The following FBN2 variants were observed in gnomAD, a reference collection of about 807,000 sequenced individuals.
FBN2 encodes the protein fibrillin-2.
In FBN2, 105 loss-of-function variants were observed where a neutral mutation model predicts 355.6. The ratio of observed to expected loss-of-function variants is 0.30; its 90% CI spans 0.25 to 0.35. The LOEUF (loss-of-function observed/expected upper bound fraction) is 0.35. FBN2 is among the 10% of genes least tolerant of loss of function. The probability of loss-of-function intolerance (pLI) is 1.00; values close to 1 mark genes in which losing one functional copy is unlikely to be tolerated. For synonymous variants in FBN2, 1,350 were observed against 1,301.2 expected, an observed-to-expected ratio of 1.04 and a Z score of -0.81; for missense variants, 3,280 against 3,758.7, an observed-to-expected ratio of 0.87 and a Z score of 3.33.
chr5:128,528,025 G>A (rs1252895185), intron 3 of FBN2, 58 bp from the exon 4 acceptor site: 3 of 1,109,178 alleles, frequency 2.7e-6, no homozygotes, highest in Admixed American at 1.8e-5. Flanking sequence ...TATAGTATAT[G>A]TGAGAGGTTA....
intron 15 of FBN2, among the ~76,000 whole-genome samples, chr5:128,371,922 C>T (rs1052977817): frequency 2.0e-5 from 3 of 152,130 alleles, no homozygotes; most frequent in Non-Finnish European, 4.4e-5. Flanking sequence ...TGTATGTATG[C>T]AAAATGCTAA....
intron 7 of FBN2, among the ~76,000 whole-genome samples, chr5:128,410,576 T>C (rs1446954902): frequency 6.6e-5 from 10 of 152,236 alleles, no homozygotes; most frequent in Admixed American, 5.9e-4. Context: ...CATTTAAACA[T>C]TGGCTTTTAT....
At chr5:128,310,363 CACATATAT>C (rs1171422912) in intron 39 of FBN2, among the ~76,000 whole-genome samples, 67 of 58,928 alleles carry the variant, frequency 1.1e-3, no homozygotes, top group Middle Eastern at 6.7e-3. Flanking sequence ...ATTTCCTTGG[CACATATAT>C]ATATATATAT....
intron 5 of FBN2, among the ~76,000 whole-genome samples, chr5:128,485,756 T>C (rs1755320617): frequency 6.6e-6 from 1 of 152,132 alleles, no homozygotes; most frequent in Admixed American, 6.6e-5. Flanking sequence ...AAAGCTTTAC[T>C]CTTTTTAAAA....
chr5:128,464,938 G>A lies in FBN2; in HGVS notation c.629-17C>T. ...TCCTGTAATCTGGAATGTGGGAGAA[G>A]AAAGAAAGACAGGTTTTATGATCAT... On this transcript the variant is annotated splice_polypyrimidine_tract_variant and intron_variant, in intron 5 of 64. Transcript: ENST00000262464. 6.2e-7 allele frequency: 1 copy of A among 1,612,730 alleles called. No homozygotes were observed. The highest frequency in any genetic ancestry group is 1.3e-5 in the African/African-American group (1 of 75,008).
intron 7 of FBN2, among the ~76,000 whole-genome samples, chr5:128,424,240 C>T (rs1290038516): frequency 1.3e-5 from 2 of 152,036 alleles, no homozygotes; most frequent in African/African-American, 4.8e-5. Flanking sequence ...AGGGATGTTT[C>T]AGTAAGATAA....
chr5:128,328,742 C>G lies in FBN2; in HGVS notation c.4425G>C (p.Glu1475Asp), dbSNP rs1340926633. The G allele has an allele frequency of 6.2e-7, 1 of 1,614,172 alleles. No individual in the cohort carries two copies. Among genetic ancestry groups the G allele is most frequent in the Admixed American group, 1.7e-5 (1 of 60,016 alleles). Residue 1475 changes from glutamate (E) to aspartate (D), a missense_variant, in exon 34 of 65, where the codon GAG becomes GAC. Glu to Asp is a conservative substitution (Grantham distance 45). This residue lies in a region of FBN2 where 2,284 missense variants were observed against 2,749.5 expected (regional missense o/e 0.83). Coordinates refer to ENST00000262464, the MANE Select transcript of FBN2 (RefSeq NM_001999.4). ...CLNVPGAYRCECEMGFTPASD... is the reference protein window; with the variant it reads ...CLNVPGAYRCDCEMGFTPASD... ...AGGCTGGAGTGAAGCCCATCTCACA[C>G]TCGCAGCGATATGCACCCGGGACAT...
At chr5:128,456,016 A>AAAAAAAAAAAG in intron 6 of FBN2, among the ~76,000 whole-genome samples, 1 of 148,098 alleles carries the variant, frequency 6.8e-6, no homozygotes, top group African/African-American at 2.5e-5. Flanking sequence ...AAAAAAAAAA[A>AAAAAAAAAAAG]AAAAAAAGCA....
chr5:128,413,417 G>A (rs1301499433), intron 7 of FBN2, among the ~76,000 whole-genome samples: 4 of 152,216 alleles, frequency 2.6e-5, no homozygotes, highest in South Asian at 2.1e-4. Flanking sequence ...GTGAAAACAG[G>A]GGGATTGTCA....
chr5:128,486,624 C>A (rs192614990), intron 5 of FBN2, among the ~76,000 whole-genome samples: 49 of 151,532 alleles, frequency 3.2e-4, no homozygotes, highest in Admixed American at 5.9e-4. Flanking sequence ...TCCTGCAACT[C>A]TTTTTTTTTA....
chr5:128,469,090 GA>G (rs997812252), intron 5 of FBN2, among the ~76,000 whole-genome samples: 2 of 152,156 alleles, frequency 1.3e-5, no homozygotes. Context: ...ACAGTGAGGG[GA>G]AAAAAGTGAA....
In FBN2 at chr5:128,345,283, A is replaced by C. The variant is rs1353857746; in HGVS notation, c.3217+74T>G. ...AGTGGGAAGTCAAACATTTAAAGCA[A>C]AACCAATTCTCAGAGAATGTGGAAG... On this transcript the variant is annotated intron_variant, in intron 24 of 64. Coordinates refer to ENST00000262464, the MANE Select transcript of FBN2 (RefSeq NM_001999.4). 5 of 1,268,312 alleles carry C rather than the reference A, an allele frequency of 3.9e-6. No individual in the cohort carries two copies. In the East Asian group the frequency reaches 1.2e-4, roughly 29 times the overall value. 78.6% of individuals were successfully genotyped at this position (1,268,312 alleles called of 1,614,324 possible). A position where few individuals can be genotyped will look rare whatever the true frequency, so the allele number is the denominator to read the frequency against.
intron 11 of FBN2, among the ~76,000 whole-genome samples, chr5:128,387,990 G>T (rs1215769343): frequency 6.6e-6 from 1 of 152,110 alleles, no homozygotes; most frequent in Admixed American, 6.5e-5. Flanking sequence ...ACTCTTTGTA[G>T]GTCTCTAAAA....
intron 7 of FBN2, among the ~76,000 whole-genome samples, chr5:128,423,870 C>A (rs747056721): frequency 6.6e-6 from 1 of 151,892 alleles, no homozygotes; most frequent in African/African-American, 2.4e-5. Context: ...AGAAGAGAGA[C>A]GTTAGTGACA....
Position 128,377,945 on chromosome 5 carries a change from GAA to G in FBN2, c.1724-70_1724-69del, listed in dbSNP as rs1167021840. ...CTTATAGATAAACACAGTAAGATAA[GAA>G]ATGGAATTTTAAATATTCAAAATCA... On this transcript the variant is annotated intron_variant, in intron 12 of 64. Transcript: ENST00000262464. The G allele has an allele frequency of 4.3e-6, 6 of 1,407,264 alleles. No individual in the cohort carries two copies. The African/African-American group carries it at 8.6e-5, about 20-fold the overall frequency. The allele number at this position is 1,407,264 out of a possible 1,614,324, so 87.2% of individuals were successfully genotyped here.
chr5:128,399,119 G>A (rs966212628), intron 8 of FBN2, among the ~76,000 whole-genome samples: 3 of 152,148 alleles, frequency 2.0e-5, no homozygotes, highest in African/African-American at 7.2e-5. Context: ...TACTAACTTA[G>A]AACTTTCTAG....
At chr5:128,381,411 C>A (rs1317360467) in intron 11 of FBN2, among the ~76,000 whole-genome samples, 1 of 152,082 alleles carries the variant, frequency 6.6e-6, no homozygotes, top group Non-Finnish European at 1.5e-5. Context: ...AGTTCCCAAA[C>A]AGCAATGGCA....
At position 128,464,759 on chromosome 5, in the gene FBN2, C is replaced by A. The variant is rs746046058; in HGVS notation, c.791G>T (p.Gly264Val). Residue 264 changes from glycine to valine, a missense_variant, in exon 6 of 65, where the codon GGT (glycine) becomes GTT (valine). Gly to Val is a moderately radical substitution (Grantham distance 109, BLOSUM62 -3). Transcript: ENST00000262464. ...TCCAGTGCGGATGTTGGGGATGAAA[C>A]CCCGTCGGCAGGGCTGAGGCTGGGC... ...CPAQPQPCRR[G>V]FIPNIRTGAC... The A allele has an allele frequency of 6.2e-7, 1 of 1,613,952 alleles. No individual in the cohort carries two copies. The highest frequency in any genetic ancestry group is 1.7e-5 in the Admixed American group (1 of 60,026).
chr5:128,315,751 C>T (rs976738226), intron 36 of FBN2, among the ~76,000 whole-genome samples: 1 of 152,158 alleles, frequency 6.6e-6, no homozygotes, highest in East Asian at 1.9e-4. Flanking sequence ...ATCCACAAAC[C>T]TGGGATGGTT....
Sources: allele counts gnomAD v4.1 joint callset (sites outside exome capture counted in the v4.1 genomes callset), GRCh38; gene constraint gnomAD v4.1.1; regional missense constraint gnomAD v4.1.1; transcripts MANE v1.5; gene names NCBI Gene and HGNC (gene_info 2026-07-23, HGNC 2026-07-21).